Variants in DDAH1 observed in about 807,000 individuals in gnomAD.
DDAH1 encodes the protein N(G),N(G)-dimethylarginine dimethylaminohydrolase 1.
DDAH1 carries 19 observed loss-of-function variants against 28.8 expected under a neutral mutation model. That is an observed-to-expected ratio of 0.66 (90% CI 0.46 to 0.97). DDAH1 has a LOEUF of 0.97. DDAH1 is among the 50% of genes least tolerant of loss of function. The pLI is 0.00. For missense variants in DDAH1, 326 were observed against 375.9 expected, an observed-to-expected ratio of 0.87 and a Z score of 1.10; for synonymous variants, 153 against 154.4, an observed-to-expected ratio of 0.99 and a Z score of 0.07.
At chr1:85,442,071 C>T (rs1396207270) in intron 1 of DDAH1, among the ~76,000 whole-genome samples, 2 of 151,766 alleles carry the variant, frequency 1.3e-5, no homozygotes, top group African/African-American at 4.8e-5. Flanking sequence ...GGTACATGTG[C>T]ACAACATGCA....
At chr1:85,429,923 A>G (rs1029764965) in intron 1 of DDAH1, among the ~76,000 whole-genome samples, 1 of 152,158 alleles carries the variant, frequency 6.6e-6, no homozygotes, top group Admixed American at 6.5e-5. Flanking sequence ...TCAGATGGAT[A>G]GACTGCAAAA....
At chr1:85,456,975 T>C (rs1452164290) in intron 1 of DDAH1, among the ~76,000 whole-genome samples, 2 of 152,156 alleles carry the variant, frequency 1.3e-5, no homozygotes, top group East Asian at 3.9e-4. Context: ...TCCCAAACTG[T>C]GCCAGTCAGG....
chr1:85,553,814 G>A (rs1658875736), intron 1 of DDAH1, among the ~76,000 whole-genome samples: 3 of 152,200 alleles, frequency 2.0e-5, no homozygotes, highest in Admixed American at 2.0e-4. Flanking sequence ...CTGGATATGT[G>A]ATCTGGACTC....
intron 1 of DDAH1, among the ~76,000 whole-genome samples, chr1:85,456,631 C>T (rs532207005): frequency 5.3e-5 from 8 of 152,320 alleles, no homozygotes; most frequent in East Asian, 1.9e-4. Flanking sequence ...TGAGCTACAA[C>T]GTGCGGTAGG....
chr1:85,567,285 C>A (rs1225536587), intron 1 of DDAH1, among the ~76,000 whole-genome samples: 1 of 152,180 alleles, frequency 6.6e-6, no homozygotes, highest in African/African-American at 2.4e-5. Context: ...TGTGTCCCCA[C>A]CCAAATCTCA....
chr1:85,484,552 C>T (rs1001848101), intron 2 of DDAH1, among the ~76,000 whole-genome samples: 1 of 152,124 alleles, frequency 6.6e-6, no homozygotes. Context: ...GCTTGGTCCT[C>T]TGAGCTCTGC....
intron 4 of DDAH1, among the ~76,000 whole-genome samples, chr1:85,344,427 G>A (rs1375198618): frequency 1.3e-5 from 2 of 152,308 alleles, no homozygotes; most frequent in East Asian, 1.9e-4. Context: ...TGCCCGGCCA[G>A]CAGATGGCAC....
chr1:85,426,929 A>AAC (rs1553133542), intron 1 of DDAH1, among the ~76,000 whole-genome samples: 34 of 150,168 alleles, frequency 2.3e-4, no homozygotes, highest in African/African-American at 7.5e-4. Flanking sequence ...AACAAAAAAA[A>AAC]AAAAAAAAAA....
chr1:85,450,532 G>T (rs964902843), intron 1 of DDAH1, among the ~76,000 whole-genome samples: 1 of 152,088 alleles, frequency 6.6e-6, no homozygotes, highest in East Asian at 1.9e-4. Flanking sequence ...GCTAGTTATC[G>T]CCAGTCCATA....
chr1:85,333,427 G>A (rs1647903485), intron 4 of DDAH1, among the ~76,000 whole-genome samples: 1 of 152,030 alleles, frequency 6.6e-6, no homozygotes, highest in South Asian at 2.1e-4. Flanking sequence ...AAAAAAGCAA[G>A]GAAATATGAC....
At chr1:85,437,261 C>T (rs948311974) in intron 1 of DDAH1, among the ~76,000 whole-genome samples, 2 of 152,142 alleles carry the variant, frequency 1.3e-5, no homozygotes, top group African/African-American at 4.8e-5. Flanking sequence ...GCCTGTGGAG[C>T]CTCACTGTGC....
intron 2 of DDAH1, among the ~76,000 whole-genome samples, chr1:85,485,782 G>C (rs114641330): frequency 0.012 from 1,829 of 152,290 alleles, 24 homozygotes; most frequent in Middle Eastern, 0.068. Context: ...AAACTATTAT[G>C]AAGCCATGTT....
At chr1:85,375,408 T>G (rs1650608211) in intron 1 of DDAH1, among the ~76,000 whole-genome samples, 1 of 152,140 alleles carries the variant, frequency 6.6e-6, no homozygotes, top group Non-Finnish European at 1.5e-5. Context: ...CCACACTGAC[T>G]ACATGCCATG....
chr1:85,408,453 T>C (rs1461024641), intron 1 of DDAH1, among the ~76,000 whole-genome samples: 4 of 152,232 alleles, frequency 2.6e-5, no homozygotes, highest in African/African-American at 9.6e-5. Flanking sequence ...AGGTATATCA[T>C]TTTGATTTAC....
At position 85,464,193 on chromosome 1, in the gene DDAH1, C is replaced by G. The variant is rs1196198883; in HGVS notation, c.303+550G>C. ...CCTTCCATTCATTCACTTACTAGTC[C>G]CGTTCTTTGGGACTCACTCGCCACC... On this transcript the variant is annotated intron_variant, in intron 1 of 5. Coordinates refer to ENST00000284031, the MANE Select transcript of DDAH1 (RefSeq NM_012137.4). The surrounding 1 kb of genome is among the most constrained non-coding windows in gnomAD (Gnocchi z 4.4). Among the ~76,000 whole-genome samples the G allele has an allele frequency of 6.6e-6, 1 of 152,174 alleles. No homozygotes were observed. Among genetic ancestry groups the G allele is most frequent in the Non-Finnish European group, 1.5e-5 (1 of 68,030 alleles).
At chr1:85,572,959 T>C (rs770702674) in intron 1 of DDAH1, among the ~76,000 whole-genome samples, 7 of 152,238 alleles carry the variant, frequency 4.6e-5, no homozygotes, top group Non-Finnish European at 1.0e-4. Flanking sequence ...AAGAATTTTA[T>C]TGATTTTATA....
intron 5 of DDAH1, 141 bp from the exon 6 acceptor site, chr1:85,321,709 T>A: frequency 1.5e-6 from 1 of 679,096 alleles, no homozygotes; most frequent in Non-Finnish European, 2.6e-6. Context: ...ACCACACACA[T>A]GCCCACAGTC....
intron 1 of DDAH1, among the ~76,000 whole-genome samples, chr1:85,440,623 G>T (rs1309853804): frequency 1.3e-5 from 2 of 152,176 alleles, no homozygotes; most frequent in African/African-American, 4.8e-5. Context: ...ACTTTTCATG[G>T]GTCAGAAATA....
chr1:85,406,093 A>G (rs187458912), intron 1 of DDAH1, among the ~76,000 whole-genome samples: 109 of 152,256 alleles, frequency 7.2e-4, no homozygotes, highest in African/African-American at 2.5e-3. Flanking sequence ...TATTATGTTT[A>G]CTTTATAAAT....
Sources: gnomAD v4.1 joint callset for allele counts (sites outside exome capture counted in the v4.1 genomes callset) on GRCh38, gnomAD v4.1.1 for gene constraint, Gnocchi (gnomAD v3.1) non-coding constraint, MANE v1.5 for transcripts, NCBI Gene and HGNC (gene_info 2026-07-23, HGNC 2026-07-21) for gene names.